Variants in CACNB2 observed in about 807,000 individuals in gnomAD.
The protein encoded by CACNB2 is voltage-dependent L-type calcium channel subunit beta-2.
In CACNB2, 42 loss-of-function variants were observed where a neutral mutation model predicts 73.3. That is an observed-to-expected ratio of 0.57 (90% confidence interval 0.45 to 0.74). The LOEUF (loss-of-function observed/expected upper bound fraction) is 0.74. CACNB2 is among the 30% of genes least tolerant of loss of function. The pLI, the probability that CACNB2 is intolerant of heterozygous loss-of-function variation, is 0.00. For synonymous variants in CACNB2, 348 were observed against 310.3 expected, an observed-to-expected ratio of 1.12 and a Z score of -1.28; for missense variants, 940 against 853.0, an observed-to-expected ratio of 1.10 and a Z score of -1.27.
intron 3 of CACNB2, among the ~76,000 whole-genome samples, chr10:18,435,268 G>T (rs1325263387): frequency 6.6e-6 from 1 of 152,174 alleles, no homozygotes; most frequent in Non-Finnish European, 1.5e-5. Flanking sequence ...TAAGGCAGGC[G>T]GAGGCATAGT....
chr10:18,491,743 T>A (rs536104005), intron 3 of CACNB2, among the ~76,000 whole-genome samples: 1 of 148,578 alleles, frequency 6.7e-6, no homozygotes, highest in Non-Finnish European at 1.5e-5. Flanking sequence ...ACAGGATATA[T>A]TTGATTAACA....
intron 3 of CACNB2, among the ~76,000 whole-genome samples, chr10:18,493,756 A>G (rs2049606375): frequency 6.6e-6 from 1 of 152,152 alleles, no homozygotes; most frequent in Admixed American, 6.6e-5. Flanking sequence ...TTGAACCCAT[A>G]TGAATGAAAT....
intron 2 of CACNB2, among the ~76,000 whole-genome samples, chr10:18,363,943 A>G (rs1288802549): frequency 6.9e-6 from 1 of 145,388 alleles, no homozygotes; most frequent in Admixed American, 7.0e-5. Flanking sequence ...TCTTGAAGGC[A>G]GTTTAATTTT....
intron 5 of CACNB2, 90 bp downstream of exon 5, chr10:18,501,038 T>C (rs931367737): frequency 2.3e-6 from 3 of 1,276,752 alleles, no homozygotes; most frequent in Non-Finnish European, 3.4e-6. Context: ...TCCTTTATTA[T>C]GTATTAACAA....
chr10:18,247,102 A>G (rs1398269025), intron 2 of CACNB2, among the ~76,000 whole-genome samples: 1 of 152,096 alleles, frequency 6.6e-6, no homozygotes, highest in African/African-American at 2.4e-5. Context: ...GCTGAATGAC[A>G]TCACCTCGAC....
At chr10:18,283,398 T>C (rs938936232) in intron 2 of CACNB2, among the ~76,000 whole-genome samples, 1 of 151,948 alleles carries the variant, frequency 6.6e-6, no homozygotes, top group Non-Finnish European at 1.5e-5. Flanking sequence ...CTATTCACAA[T>C]AGCAAAGACT....
intron 2 of CACNB2, among the ~76,000 whole-genome samples, chr10:18,175,637 G>A (rs1016319848): frequency 1.3e-5 from 2 of 152,016 alleles, no homozygotes; most frequent in Non-Finnish European, 2.9e-5. Flanking sequence ...TCACTCTGCC[G>A]CCCAGGCTGG....
intron 5 of CACNB2, among the ~76,000 whole-genome samples, chr10:18,503,645 A>G (rs1268263385): frequency 6.6e-6 from 1 of 152,224 alleles, no homozygotes; most frequent in East Asian, 1.9e-4. Context: ...AATAGGGTGT[A>G]GACATTGCTC....
Position 18,534,106 on chromosome 10 carries a change from T to C in CACNB2, c.1085T>C (p.Phe362Ser). The C allele has an allele frequency of 1.2e-6, 2 of 1,614,116 alleles. No homozygotes were observed. The highest frequency in any genetic ancestry group is 1.7e-6 in the Non-Finnish European group (2 of 1,179,980). The change falls in exon 11 of 14, where the codon TTT (phenylalanine) becomes TCT (serine). Residue 362 changes from phenylalanine (F) to serine (S), a missense_variant. By Grantham distance (155) the Phe-to-Ser change is radical (BLOSUM62 -2). Coordinates refer to ENST00000324631, the MANE Select transcript of CACNB2 (RefSeq NM_201596.3). ...GTTCAGAGTGAAATCGAAAGGATTT[T>C]TGAACTTGCAAGAACATTGCAGTTG... ...AEVQSEIERI[F>S]ELARTLQLVV...
At chr10:18,229,791 CT>C (rs1389778645) in intron 2 of CACNB2, among the ~76,000 whole-genome samples, 1 of 152,006 alleles carries the variant, frequency 6.6e-6, no homozygotes, top group Non-Finnish European at 1.5e-5. Flanking sequence ...TGTTAGAGCC[CT>C]TTTTAGAAGG....
At chr10:18,201,742 T>G (rs1276436567) in intron 2 of CACNB2, among the ~76,000 whole-genome samples, 4 of 152,208 alleles carry the variant, frequency 2.6e-5, no homozygotes, top group Admixed American at 2.6e-4. Flanking sequence ...CACAGCTATT[T>G]TAAAATGTAT....
At chr10:18,339,953 A>T (rs1374684251) in intron 2 of CACNB2, among the ~76,000 whole-genome samples, 1 of 152,156 alleles carries the variant, frequency 6.6e-6, no homozygotes, top group Non-Finnish European at 1.5e-5. Flanking sequence ...CAGATTTTTT[A>T]AAAATATTTC....
chr10:18,380,111 C>G (rs927638247), intron 2 of CACNB2, among the ~76,000 whole-genome samples: 1 of 152,212 alleles, frequency 6.6e-6, no homozygotes, highest in African/African-American at 2.4e-5. Flanking sequence ...CAAGATTTAT[C>G]AGAAACTTTA....
chr10:18,180,967 AAAAAC>A lies in CACNB2; in HGVS notation c.213+30012_213+30016del, dbSNP rs369153880. Among the ~76,000 whole-genome samples the A allele has an allele frequency of 6.7e-3, 1,020 of 151,960 alleles. 4 individuals are homozygous for A. Among genetic ancestry groups the A allele is most frequent in the African/African-American group, 0.022 (913 of 41,348 alleles). ...GGCAACAGAGCGAGACTCCATCTCA[AAAAAC>A]AAAACAAAACAAAACAAAAAAAGAA... On this transcript the variant is annotated intron_variant, in intron 2 of 13. Coordinates refer to ENST00000324631, the MANE Select transcript of CACNB2 (RefSeq NM_201596.3).
At chr10:18,498,830 G>A (rs2049997237) in intron 4 of CACNB2, 3 of 285,572 alleles carry the variant, frequency 1.1e-5, no homozygotes, top group East Asian at 9.6e-5. Context: ...TAGGCATCTG[G>A]GGAGGGTTTA....
chr10:18,166,120 C>G (rs574341719), intron 2 of CACNB2, among the ~76,000 whole-genome samples: 1 of 152,074 alleles, frequency 6.6e-6, no homozygotes, highest in Admixed American at 6.6e-5. Context: ...TAGAATGAAT[C>G]TAGATTACTT....
At chr10:18,178,227 A>G (rs956364846) in intron 2 of CACNB2, among the ~76,000 whole-genome samples, 3 of 152,156 alleles carry the variant, frequency 2.0e-5, no homozygotes, top group Non-Finnish European at 4.4e-5. Context: ...TGGGGACTTT[A>G]CCGTTGAAAT....
intron 2 of CACNB2, among the ~76,000 whole-genome samples, chr10:18,363,413 C>T (rs1216934285): frequency 6.6e-6 from 1 of 152,194 alleles, no homozygotes; most frequent in Non-Finnish European, 1.5e-5. Flanking sequence ...TCCTGTCGCC[C>T]CATGGGGCCT....
At chr10:18,162,702 C>G (rs115062967) in intron 2 of CACNB2, among the ~76,000 whole-genome samples, 1 of 152,084 alleles carries the variant, frequency 6.6e-6, no homozygotes, top group Non-Finnish European at 1.5e-5. Context: ...AGGTAAGAAC[C>G]AGCTCCTAGG....
Sources: allele counts gnomAD v4.1 joint callset (sites outside exome capture counted in the v4.1 genomes callset), GRCh38; gene constraint gnomAD v4.1.1; transcripts MANE v1.5; gene names NCBI Gene and HGNC (gene_info 2026-07-23, HGNC 2026-07-21).